The following FRMD1 variants were observed in gnomAD, a reference collection of about 807,000 sequenced individuals.
FRMD1 encodes FERM domain containing 1.
In FRMD1, 51 loss-of-function variants were observed where a neutral mutation model predicts 54.9. That is an observed-to-expected ratio of 0.93 (90% CI 0.74 to 1.17). The LOEUF is 1.17. Among genes scored for constraint, FRMD1 ranks in the 50% most tolerant of loss-of-function variants. The pLI is 0.00. For missense variants in FRMD1, 729 were observed against 743.0 expected (o/e 0.98, Z 0.22); for synonymous variants, 324 against 306.4 (o/e 1.06, Z -0.60).
rs1208751788 is a variant in FRMD1 at position 168,059,481 on chromosome 6, A to C, written c.1343-293T>G. ...GAGGCCAACCATCCCTTCCTGGTGG[A>C]CCAGACACTCCAAGGGCAATGGCGG... is the stretch of plus-strand genomic sequence containing the variant. On this transcript the variant is annotated intron_variant, in intron 9 of 10. Coordinates refer to ENST00000283309, the MANE Select transcript of FRMD1 (RefSeq NM_024919.6). The surrounding 1 kb of genome is among the most constrained non-coding windows in gnomAD (Gnocchi z 4.4). Among the ~76,000 whole-genome samples, 1 of 152,188 alleles carries C rather than the reference A, an allele frequency of 6.6e-6. No individual in the cohort carries two copies. The highest frequency in any genetic ancestry group is 1.5e-5 in the Non-Finnish European group (1 of 68,026).
chr6:168,061,435 G>C (rs1799729724), intron 8 of FRMD1, among the ~76,000 whole-genome samples: 2 of 152,138 alleles, frequency 1.3e-5, no homozygotes, highest in African/African-American at 4.8e-5. Context: ...GTGCTCAGGT[G>C]AGGATGTGGA....
rs776544880 is a variant in FRMD1 at position 168,067,533 on chromosome 6, A to C, written c.305-87T>G. 7.5e-6 allele frequency: 6 copies of C among 802,032 alleles called. No homozygotes were observed. In the South Asian group the frequency reaches 9.9e-5, roughly 13 times the overall value. 49.7% of individuals were successfully genotyped at this position (802,032 alleles called of 1,614,324 possible). On this transcript the variant is annotated intron_variant, in intron 2 of 10. Coordinates refer to ENST00000283309, the MANE Select transcript of FRMD1 (RefSeq NM_024919.6). The stretch of plus-strand genomic sequence containing the variant: ...GTTCAAAACTGAGTGTGGCTTGGAG[A>C]GAAGAGATGCACAGCTGAAAACTGT...
At chr6:168,075,883 A>C in intron 1 of FRMD1, 1 of 545,652 alleles carries the variant, frequency 1.8e-6, no homozygotes. Context: ...CGGTGTCCAC[A>C]TTTCCGGCGT....
upstream of FRMD1, among the ~76,000 whole-genome samples, chr6:168,080,577 G>A (rs1206055132): frequency 2.6e-5 from 4 of 152,210 alleles, no homozygotes; most frequent in South Asian, 2.1e-4. Flanking sequence ...CAGTGCCGGC[G>A]TATCAGGAAG....
chr6:168,074,034 C>T (rs1476197171), intron 2 of FRMD1, among the ~76,000 whole-genome samples: 4 of 152,148 alleles, frequency 2.6e-5, no homozygotes, highest in Non-Finnish European at 4.4e-5. Context: ...GGGGCCAGGG[C>T]TTGTCTGTGC....
intron 10 of FRMD1, among the ~76,000 whole-genome samples, chr6:168,058,795 T>C (rs1799555855): frequency 6.6e-6 from 1 of 152,140 alleles, no homozygotes. Flanking sequence ...GTCTGCTGCA[T>C]GGCAGGTTGC....
upstream of FRMD1, among the ~76,000 whole-genome samples, chr6:168,082,321 G>C (rs969470681): frequency 2.6e-5 from 4 of 152,246 alleles, no homozygotes; most frequent in African/African-American, 9.6e-5. Flanking sequence ...TGAGTGGCCA[G>C]CCGGGGTCTT....
chr6:168,062,303 T>A (rs1799787365), intron 7 of FRMD1, among the ~76,000 whole-genome samples: 1 of 152,218 alleles, frequency 6.6e-6, no homozygotes. Flanking sequence ...ACTGCCCTTT[T>A]ATCCCCGGCA....
chr6:168,086,828 G>A (rs565386993), intron 1 of FRMD1, among the ~76,000 whole-genome samples: 1 of 152,376 alleles, frequency 6.6e-6, no homozygotes, highest in East Asian at 1.9e-4. Flanking sequence ...GGGCCGGGGT[G>A]AAGCCCATGT....
In FRMD1 at chr6:168,057,065, C is replaced by A. The variant is rs371531445; in HGVS notation, c.*32G>T. 21 of 1,440,094 alleles carry A rather than the reference C, an allele frequency of 1.5e-5. No homozygotes were observed. In the African/African-American group the frequency reaches 2.9e-4, roughly 20 times the overall value. 89.2% of individuals were successfully genotyped at this position (1,440,094 alleles called of 1,614,324 possible). The stretch of plus-strand genomic sequence containing the variant: ...TGGGGTGGGCAGGGGCTGAGCCTGG[C>A]GGTGCGGACGGTACTGCTGGGTGGG... On this transcript the variant is annotated 3_prime_UTR_variant, in exon 11 of 11. Coordinates refer to ENST00000283309, the MANE Select transcript of FRMD1 (RefSeq NM_024919.6).
intron 2 of FRMD1, among the ~76,000 whole-genome samples, chr6:168,072,585 G>A (rs548164249): frequency 2.0e-5 from 3 of 152,338 alleles, no homozygotes; most frequent in Admixed American, 6.5e-5. Flanking sequence ...CAAACACGGC[G>A]GCTCCAACAT....
At position 168,057,145 on chromosome 6, in the gene FRMD1, G is replaced by C; in HGVS notation, c.1602C>G (p.Leu534=). The C allele has an allele frequency of 6.4e-7, 1 of 1,554,440 alleles. No homozygotes were observed. The change falls in exon 11 of 11, where the codon CTC becomes CTG. Residue 534 remains leucine, a synonymous_variant. Transcript: ENST00000283309. ...GAGCCTCTCCGAACAGGTCCAGGGCGAGACAGTTGCTGGACCTCTTGCTGG... is the reference window on the plus strand; with the variant it reads ...GAGCCTCTCCGAACAGGTCCAGGGCCAGACAGTTGCTGGACCTCTTGCTGG... The part of the protein sequence containing the change: ...TLPSKRSSNC[L]ALDLFGEAPP...
At chr6:168,076,919 T>A (rs1800619238) in intron 1 of FRMD1, among the ~76,000 whole-genome samples, 1 of 151,952 alleles carries the variant, frequency 6.6e-6, no homozygotes, top group Admixed American at 6.6e-5. Flanking sequence ...GCGTTCCCTG[T>A]CTAACTACAG....
Position 168,054,709 on chromosome 6 carries a change from G to C in FRMD1, c.*2388C>G, listed in dbSNP as rs546261589. On this transcript the variant is annotated 3_prime_UTR_variant, in exon 11 of 11. Transcript: ENST00000283309. ...GAAAGGTTGGCTTCCCCGACTTCCC[G>C]CAGCCCCGCTCTCTGCTGCTTTCTG... 2.0e-5 allele frequency: 3 copies of C among 152,248 alleles called. No individual in the cohort carries two copies. The highest frequency in any genetic ancestry group is 4.4e-5 in the Non-Finnish European group (3 of 68,096). The allele number at this position is 152,248 out of a possible 1,614,324, so 9.4% of individuals were successfully genotyped here.
At chr6:168,063,373 C>A (rs923385891) in intron 6 of FRMD1, among the ~76,000 whole-genome samples, 1 of 148,632 alleles carries the variant, frequency 6.7e-6, no homozygotes, top group Non-Finnish European at 1.5e-5. Context: ...GGGGTCCTGA[C>A]CACTCTTAGC....
At chr6:168,075,793 C>G in intron 1 of FRMD1, 1 of 1,550,408 alleles carries the variant, frequency 6.4e-7, no homozygotes, top group South Asian at 1.2e-5. Context: ...TACAGCTGAG[C>G]CTCTCACGGC....
chr6:168,062,376 C>CA (rs1415195415), intron 7 of FRMD1, among the ~76,000 whole-genome samples: 2 of 152,256 alleles, frequency 1.3e-5, no homozygotes, highest in Non-Finnish European at 2.9e-5. Flanking sequence ...ACAGAGGCCA[C>CA]ACAGGTGCGT....
chr6:168,055,364 CGT>C lies in FRMD1; in HGVS notation c.*1731_*1732del, dbSNP rs1799363200. 2 of 152,500 alleles carry C rather than the reference CGT, an allele frequency of 1.3e-5. No individual in the cohort carries two copies. The highest frequency in any genetic ancestry group is 1.9e-4 in the East Asian group (1 of 5,168). 9.4% of individuals were successfully genotyped at this position (152,500 alleles called of 1,614,324 possible). ...GTGTGCATCTGTGTGCAGATGTGTGCGTGTGTGCATGTATGTGTGTGCATGCA... is the reference window on the plus strand; with the variant it reads ...GTGTGCATCTGTGTGCAGATGTGTGCGTGTGCATGTATGTGTGTGCATGCA... On this transcript the variant is annotated 3_prime_UTR_variant, in exon 11 of 11. Transcript: ENST00000283309.
intron 2 of FRMD1, among the ~76,000 whole-genome samples, chr6:168,072,903 C>T (rs1302349302): frequency 6.6e-6 from 1 of 152,220 alleles, no homozygotes; most frequent in African/African-American, 2.4e-5. Context: ...ATCCCGCCCT[C>T]CCCTGAGTGA....
Sources: gnomAD v4.1 joint callset for allele counts (sites outside exome capture counted in the v4.1 genomes callset) on GRCh38, gnomAD v4.1.1 for gene constraint, Gnocchi (gnomAD v3.1) non-coding constraint, MANE v1.5 for transcripts, NCBI Gene and HGNC (gene_info 2026-07-23, HGNC 2026-07-21) for gene names.